CTNNB1: variants seen among roughly 807,000 people sequenced by gnomAD.
CTNNB1 encodes catenin beta-1.
In CTNNB1, 6 loss-of-function variants were observed where a neutral mutation model predicts 82.5. That is an observed-to-expected ratio of 0.07 (90% CI 0.04 to 0.14). The LOEUF (loss-of-function observed/expected upper bound fraction) is 0.14, where lower values mean the gene tolerates loss of function less well. CTNNB1 is among the 10% of genes least tolerant of loss of function. The pLI, the probability that CTNNB1 is intolerant of heterozygous loss-of-function variation, is 1.00. For synonymous variants in CTNNB1, 312 were observed against 329.7 expected (o/e 0.95, Z 0.58); for missense variants, 529 against 980.4 (o/e 0.54, Z 6.15).
intron 1 of CTNNB1, chr3:41,200,019 T>C (rs2125578569): frequency 3.7e-5 from 3 of 81,422 alleles, no homozygotes; most frequent in African/African-American, 1.5e-4. Context: ...TGGCCGAGTT[T>C]GGGGGAGGGA....
At position 41,240,278 on chromosome 3, in the gene CTNNB1, T is replaced by A. The variant is rs950070151; in HGVS notation, c.*936T>A. On this transcript the variant is annotated 3_prime_UTR_variant, in exon 15 of 15. Coordinates refer to ENST00000349496, the MANE Select transcript of CTNNB1 (RefSeq NM_001904.4). ...GTTTTTGATCAAAAACTATTTGGGA[T>A]ATGTATGGGTAGGGTAAATCAGTAA... 1 of 192,832 alleles carries A rather than the reference T, an allele frequency of 5.2e-6. No homozygotes were observed. Among genetic ancestry groups the A allele is most frequent in the Non-Finnish European group, 1.1e-5 (1 of 92,064 alleles). 11.9% of individuals were successfully genotyped at this position (192,832 alleles called of 1,614,324 possible).
chr3:41,236,099 C>T, intron 11 of CTNNB1: 2 of 685,594 alleles, frequency 2.9e-6, no homozygotes, highest in South Asian at 3.7e-5. Flanking sequence ...GACCCCCAAC[C>T]AATTCTGGGT....
In CTNNB1 at chr3:41,224,539, G is replaced by A. The variant is rs2078128295; in HGVS notation, c.27G>A (p.Glu9=). The A allele has an allele frequency of 1.9e-6, 3 of 1,613,816 alleles. No homozygotes were observed. The highest frequency in any genetic ancestry group is 2.5e-6 in the Non-Finnish European group (3 of 1,179,874). The change falls in exon 3 of 15, where the codon GAG becomes GAA. Residue 9 remains glutamate (E), a synonymous_variant. Coordinates refer to ENST00000349496, the MANE Select transcript of CTNNB1 (RefSeq NM_001904.4). MATQADLM[E]LDMAMEPDRK... Reference sequence around the variant, plus strand: ...TCGTATTTATAGCTGATTTGATGGAGTTGGACATGGCCATGGAACCAGACA... The same window carrying A: ...TCGTATTTATAGCTGATTTGATGGAATTGGACATGGCCATGGAACCAGACA...
rs770830952 is a variant in CTNNB1 at position 41,225,640 on chromosome 3, G to T, written c.735-20G>T. 10 of 1,613,838 alleles carry T rather than the reference G, an allele frequency of 6.2e-6. No individual in the cohort carries two copies. The African/African-American group carries it at 8.0e-5, about 13-fold the overall frequency. The stretch of plus-strand genomic sequence containing the variant: ...AGTATACTCACAATATTTCTGATGA[G>T]GCTTTTTTCTTCTTCCCAGTTCACC... On this transcript the variant is annotated intron_variant, in intron 5 of 14. Transcript: ENST00000349496. This position sits in a 1 kb window ranked among gnomAD's most constrained non-coding sequence, Gnocchi z 5.3.
intron 9 of CTNNB1, 37 bp from the exon 10 acceptor site, chr3:41,234,099 TTTG>T: frequency 6.2e-7 from 1 of 1,613,592 alleles, no homozygotes. Context: ...AGAAAATGAT[TTTG>T]TTGAGTTGTA....
chr3:41,226,994 C>T (rs1323331791), intron 6 of CTNNB1, among the ~76,000 whole-genome samples: 2 of 151,924 alleles, frequency 1.3e-5, no homozygotes, highest in African/African-American at 4.8e-5. Flanking sequence ...GTTTGGAGGA[C>T]TGGGATGTCT....
At chr3:41,234,933 G>A (rs1267263552) in intron 10 of CTNNB1, 2 of 156,704 alleles carry the variant, frequency 1.3e-5, no homozygotes, top group Admixed American at 6.1e-5. Context: ...CAGATGTTAG[G>A]AATCTCATTT....
intron 1 of CTNNB1, among the ~76,000 whole-genome samples, chr3:41,214,233 C>A: frequency 6.6e-6 from 1 of 152,080 alleles, no homozygotes; most frequent in African/African-American, 2.4e-5. Context: ...ATTAAAAATA[C>A]AATGCCAGGG....
chr3:41,233,708 T>A lies in CTNNB1; in HGVS notation c.1365T>A (p.Gly455=), dbSNP rs2125639833. 6.2e-7 allele frequency: 1 copy of A among 1,614,116 alleles called. No individual in the cohort carries two copies. Among genetic ancestry groups the A allele is most frequent in the East Asian group, 2.2e-5 (1 of 44,864 alleles). ...TTGTGCGTACTGTCCTTCGGGCTGG[T>A]GACAGGGAAGACATCACTGAGCCTG... ...EALVRTVLRA[G]DREDITEPAI... is the part of the protein sequence containing the mutation. Residue 455 remains glycine, a synonymous_variant, in exon 9 of 15, where the codon GGT becomes GGA. Coordinates refer to ENST00000349496, the MANE Select transcript of CTNNB1 (RefSeq NM_001904.4).
At chr3:41,223,925 G>T in intron 1 of CTNNB1, 96 bp from the exon 2 acceptor site, 7 of 871,726 alleles carry the variant, frequency 8.0e-6, no homozygotes, top group South Asian at 3.1e-5. Flanking sequence ...TTTTTTTTGT[G>T]GGTGTAATAG....
rs1286816173 is a variant in CTNNB1 at position 41,236,396 on chromosome 3, C to T, written c.1851C>T (p.Val617=). 1.2e-6 allele frequency: 2 copies of T among 1,614,010 alleles called. No individual in the cohort carries two copies. The highest frequency in any genetic ancestry group is 1.7e-6 in the Non-Finnish European group (2 of 1,180,032). The change falls in exon 12 of 15, where the codon GTC becomes GTT. Residue 617 remains valine (V), a synonymous_variant. Transcript: ENST00000349496. ...IENIQRVAAG[V]LCELAQDKEA... The stretch of plus-strand genomic sequence containing the variant: ...ACATCCAAAGAGTAGCTGCAGGGGT[C>T]CTCTGTGAACTTGCTCAGGACAAGG...
intron 2 of CTNNB1, 76 bp downstream of exon 2, chr3:41,224,157 C>T (rs1161794211): frequency 1.3e-6 from 2 of 1,515,764 alleles, no homozygotes; most frequent in East Asian, 2.3e-5. Context: ...GCTGAGATCC[C>T]CCTGCTTTCC....
chr3:41,234,350 C>T (rs1559475163), intron 10 of CTNNB1, 53 bp downstream of exon 10: 1 of 1,586,872 alleles, frequency 6.3e-7, no homozygotes, highest in Non-Finnish European at 8.7e-7. Context: ...TGCATAAATC[C>T]AAAGGATCCT....
intron 1 of CTNNB1, among the ~76,000 whole-genome samples, chr3:41,211,221 T>C (rs926558889): frequency 7.9e-5 from 12 of 152,192 alleles, no homozygotes; most frequent in African/African-American, 2.9e-4. Context: ...CACTAGGTGA[T>C]AGGAATTTTT....
At chr3:41,210,795 AC>A (rs1213475033) in intron 1 of CTNNB1, among the ~76,000 whole-genome samples, 1 of 151,550 alleles carries the variant, frequency 6.6e-6, no homozygotes, top group African/African-American at 2.4e-5. Flanking sequence ...TATATGCTAT[AC>A]TTTTTTTTTT....
rs760938761 is a variant in CTNNB1, at chr3:41,225,298, G to GA, written c.496-32dup. The GA allele has an allele frequency of 5.0e-6, 8 of 1,613,836 alleles. No homozygotes were observed. In the Admixed American group the frequency reaches 1.0e-4, roughly 20 times the overall value. On this transcript the variant is annotated intron_variant, in intron 4 of 14. Transcript: ENST00000349496. This position sits in a 1 kb window ranked among gnomAD's most constrained non-coding sequence, Gnocchi z 5.3. Reference sequence around the variant, plus strand: ...GAATGTCTACCCAATACCAGTACTTGAAAACTAACGATGTTTCTGAATTCC... The same window carrying GA: ...GAATGTCTACCCAATACCAGTACTTGAAAAACTAACGATGTTTCTGAATTCC...
chr3:41,206,961 C>T (rs950770465), intron 1 of CTNNB1, among the ~76,000 whole-genome samples: 3 of 152,130 alleles, frequency 2.0e-5, no homozygotes, highest in Non-Finnish European at 2.9e-5. Context: ...ACTGACATAC[C>T]GCTCTTTAAA....
intron 7 of CTNNB1, among the ~76,000 whole-genome samples, chr3:41,229,870 T>G (rs2078265048): frequency 8.1e-6 from 1 of 122,782 alleles, no homozygotes; most frequent in South Asian, 2.6e-4. Context: ...TAGGGCCTCT[T>G]GGGTTCTGTG....
intron 7 of CTNNB1, among the ~76,000 whole-genome samples, chr3:41,232,153 G>A (rs547286906): frequency 6.6e-6 from 1 of 151,932 alleles, no homozygotes; most frequent in Non-Finnish European, 1.5e-5. Context: ...TTTTACCCTA[G>A]AACTGCTGAA....
Sources: allele counts gnomAD v4.1 joint callset (sites outside exome capture counted in the v4.1 genomes callset), GRCh38; gene constraint gnomAD v4.1.1; non-coding constraint Gnocchi (gnomAD v3.1); transcripts MANE v1.5; gene names NCBI Gene and HGNC (gene_info 2026-07-23, HGNC 2026-07-21).